The following NLRP2 variants were observed in gnomAD, a reference collection of about 807,000 sequenced individuals.
The protein encoded by NLRP2 is NACHT, LRR and PYD domains-containing protein 2.
In NLRP2, 107 loss-of-function variants were observed where a neutral mutation model predicts 97.2. That is an observed-to-expected ratio of 1.10 (90% CI 0.94 to 1.29). The LOEUF (loss-of-function observed/expected upper bound fraction) is 1.29, where lower values mean the gene tolerates loss of function less well. Ranked by LOEUF, NLRP2 falls within the 50% of genes most tolerant of loss-of-function variation. The pLI, the probability that NLRP2 is intolerant of heterozygous loss-of-function variation, is 0.00. For missense variants in NLRP2, 1,495 were observed against 1,330.3 expected (o/e 1.12, Z -1.93); for synonymous variants, 663 against 551.5 (o/e 1.20, Z -2.83).
chr19:54,969,524 G>C (rs1602291543), intron 1 of NLRP2, among the ~76,000 whole-genome samples: 1 of 152,182 alleles, frequency 6.6e-6, no homozygotes, highest in South Asian at 2.1e-4. Flanking sequence ...GCGTGGTGGT[G>C]GGTGCCCATA....
intron 11 of NLRP2, among the ~76,000 whole-genome samples, chr19:54,995,374 T>G (rs2072752401): frequency 6.6e-6 from 1 of 151,522 alleles, no homozygotes; most frequent in Non-Finnish European, 1.5e-5. Flanking sequence ...GTATTTTTAG[T>G]ATAGACGGGG....
chr19:54,984,563 A>G (rs950821125), intron 6 of NLRP2, among the ~76,000 whole-genome samples: 3 of 134,356 alleles, frequency 2.2e-5, no homozygotes, highest in Non-Finnish European at 4.6e-5. Flanking sequence ...GCTCACTGCA[A>G]CCTCCGCCCC....
Position 54,974,549 on chromosome 19 carries a change from G to GTTACCTCA in NLRP2, c.325+8_325+15dup. Reference sequence around the variant, plus strand: ...AAAGGAAGCCTCTATCATTAGGTAAGTTACCTCATTTATAACTTTTATTCT... The same window carrying GTTACCTCA: ...AAAGGAAGCCTCTATCATTAGGTAAGTTACCTCATTACCTCATTTATAACTTTTATTCT... On this transcript the variant is annotated splice_donor_region_variant and intron_variant, in intron 3 of 12. Transcript: ENST00000448584. 1 of 1,573,602 alleles carries GTTACCTCA rather than the reference G, an allele frequency of 6.4e-7. No individual in the cohort carries two copies. Among genetic ancestry groups the GTTACCTCA allele is most frequent in the Non-Finnish European group, 8.7e-7 (1 of 1,143,040 alleles).
intron 6 of NLRP2, among the ~76,000 whole-genome samples, 193 bp from the exon 7 acceptor site, chr19:54,984,854 C>T (rs1384742813): frequency 6.6e-6 from 1 of 152,082 alleles, no homozygotes; most frequent in Non-Finnish European, 1.5e-5. Flanking sequence ...GGATTTTTGT[C>T]TAAGAAGAAT....
At chr19:54,970,521 G>A (rs1339251062) in intron 2 of NLRP2, among the ~76,000 whole-genome samples, 2 of 151,950 alleles carry the variant, frequency 1.3e-5, no homozygotes, top group African/African-American at 4.8e-5. Context: ...TGGACGTGGT[G>A]GCAGACACCT....
intron 1 of NLRP2, among the ~76,000 whole-genome samples, chr19:54,966,751 T>A (rs2070449443): frequency 6.6e-6 from 1 of 151,752 alleles, no homozygotes; most frequent in Admixed American, 6.6e-5. Context: ...TTTCACCATG[T>A]TGGCCAGGCT....
intron 6 of NLRP2, among the ~76,000 whole-genome samples, chr19:54,984,329 G>GTGTGTGTTTTTT: frequency 1.3e-5 from 1 of 79,670 alleles, no homozygotes; most frequent in African/African-American, 4.6e-5. Flanking sequence ...TTTTTTTTGT[G>GTGTGTGTTTTTT]TTTTTTTTTT....
Position 54,970,194 on chromosome 19 carries a change from C to G in NLRP2, c.179C>G (p.Thr60Ser). 6.2e-7 allele frequency: 1 copy of G among 1,614,132 alleles called. No individual in the cohort carries two copies. Among genetic ancestry groups the G allele is most frequent in the Middle Eastern group, 1.6e-4 (1 of 6,062 alleles). ...GGGAAGCAACTGGTAGAAATCCTCA[C>G]CACCCATTGTGACAGCTACTGGGTG... ...ADGKQLVEIL[T>S]THCDSYWVEM... Residue 60 changes from threonine to serine, a missense_variant, in exon 2 of 13, where the codon ACC (threonine) becomes AGC (serine). Transcript: ENST00000448584.
At position 55,001,066 on chromosome 19, in the gene NLRP2, C is replaced by T; in HGVS notation, c.*168C>T. 1.9e-6 allele frequency: 1 copy of T among 515,066 alleles called. No homozygotes were observed. The highest frequency in any genetic ancestry group is 2.8e-5 in the East Asian group (1 of 36,212). The allele number at this position is 515,066 out of a possible 1,614,324, so 31.9% of individuals were successfully genotyped here. On this transcript the variant is annotated 3_prime_UTR_variant, in exon 13 of 13. Coordinates refer to ENST00000448584, the MANE Select transcript of NLRP2 (RefSeq NM_017852.5). ...CCTCTGTTTTATACCTGCACACATC[C>T]TTATCTTTGTTACATATGAAATATC...
rs748468180 is a variant in NLRP2, at chr19:54,977,748, C to T, written c.326-4C>T. 6 of 1,613,702 alleles carry T rather than the reference C, an allele frequency of 3.7e-6. No individual in the cohort carries two copies. In the East Asian group the frequency reaches 1.1e-4, roughly 30 times the overall value. ...AGGCCTGTAATGCCGCCCTTTTTCT[C>T]CAGGGATAACACGGAAAGAACGACC... On this transcript the variant is annotated splice_polypyrimidine_tract_variant and splice_region_variant and intron_variant, in intron 3 of 12. Transcript: ENST00000448584.
intron 1 of NLRP2, among the ~76,000 whole-genome samples, chr19:54,967,156 C>T (rs1386574450): frequency 1.3e-5 from 2 of 151,990 alleles, no homozygotes; most frequent in East Asian, 3.9e-4. Context: ...CAGGTGCCAC[C>T]GCGCCCGGCC....
At chr19:54,983,768 C>T in intron 6 of NLRP2, 40 bp downstream of exon 6, 1 of 1,601,326 alleles carries the variant, frequency 6.2e-7, no homozygotes, top group Non-Finnish European at 8.5e-7. Flanking sequence ...CCATCTTTAG[C>T]CTCATCCCAT....
intron 11 of NLRP2, among the ~76,000 whole-genome samples, chr19:54,996,603 A>G (rs938918714): frequency 6.6e-6 from 1 of 152,116 alleles, no homozygotes; most frequent in African/African-American, 2.4e-5. Context: ...CGATGGCTTC[A>G]GGGTCTTCTG....
intron 7 of NLRP2, among the ~76,000 whole-genome samples, chr19:54,985,869 G>T (rs1014079391): frequency 7.2e-5 from 11 of 151,980 alleles, no homozygotes; most frequent in Middle Eastern, 3.4e-3. Flanking sequence ...GTCGTGGCAG[G>T]TGCCTATAAT....
chr19:54,982,835 G>A lies in NLRP2; in HGVS notation c.1137G>A (p.Met379Ile), dbSNP rs755516987. 1.9e-6 allele frequency: 3 copies of A among 1,613,604 alleles called. No individual in the cohort carries two copies. Among genetic ancestry groups the A allele is most frequent in the East Asian group, 2.2e-5 (1 of 44,876 alleles). Reference sequence around the variant, plus strand: ...ACTTTGGAGACGAGGACCAAGCCATGCGTGCCTTTGAGCTAATGAGGAGCA... The same window carrying A: ...ACTTTGGAGACGAGGACCAAGCCATACGTGCCTTTGAGCTAATGAGGAGCA... ...LRHFGDEDQA[M>I]RAFELMRSNA... Residue 379 changes from methionine (M) to isoleucine (I), a missense_variant, in exon 6 of 13, where the codon ATG becomes ATA. Coordinates refer to ENST00000448584, the MANE Select transcript of NLRP2 (RefSeq NM_017852.5).
At chr19:54,981,506 C>G in intron 4 of NLRP2, 111 bp from the exon 5 acceptor site, 1 of 500,128 alleles carries the variant, frequency 2.0e-6, no homozygotes, top group East Asian at 4.6e-5. Flanking sequence ...TATCTGATCC[C>G]GTGCCCCCCC....
At chr19:54,968,952 C>T (rs1000834889) in intron 1 of NLRP2, among the ~76,000 whole-genome samples, 9 of 151,930 alleles carry the variant, frequency 5.9e-5, no homozygotes, top group Admixed American at 1.3e-4. Flanking sequence ...CCGCCCGCCT[C>T]GGCCTCCCAA....
intron 12 of NLRP2, among the ~76,000 whole-genome samples, chr19:54,997,725 G>T (rs979806309): frequency 6.6e-6 from 1 of 151,820 alleles, no homozygotes; most frequent in Admixed American, 6.6e-5. Context: ...AAAGTGCTGG[G>T]ATTACAGGCG....
At chr19:54,994,548 C>T in intron 11 of NLRP2, 109 bp downstream of exon 11, 1 of 1,133,032 alleles carries the variant, frequency 8.8e-7, no homozygotes, top group Non-Finnish European at 1.3e-6. Context: ...TTGAGAGGAC[C>T]TTTATAGAGT....
Sources: gnomAD v4.1 joint callset for allele counts (sites outside exome capture counted in the v4.1 genomes callset) on GRCh38, gnomAD v4.1.1 for gene constraint, MANE v1.5 for transcripts, NCBI Gene and HGNC (gene_info 2026-07-23, HGNC 2026-07-21) for gene names.